Variants in BCAS4 observed in about 807,000 individuals in gnomAD.
The protein encoded by BCAS4 is breast carcinoma-amplified sequence 4.
In BCAS4, 9 loss-of-function variants were observed where a neutral mutation model predicts 15.7. That is an observed-to-expected ratio of 0.57 (90% CI 0.34 to 1.00). The LOEUF (loss-of-function observed/expected upper bound fraction) is 1.00. Ranked by LOEUF, BCAS4 falls within the 50% of genes least tolerant of loss-of-function variation. BCAS4 has a pLI of 0.02. For synonymous variants in BCAS4, 101 were observed against 99.5 expected, an observed-to-expected ratio of 1.02 and a Z score of -0.09; for missense variants, 225 against 239.1, an observed-to-expected ratio of 0.94 and a Z score of 0.39.
intron 4 of BCAS4, among the ~76,000 whole-genome samples, chr20:50,850,924 G>A (rs1267566819): frequency 6.6e-6 from 1 of 152,228 alleles, no homozygotes; most frequent in Non-Finnish European, 1.5e-5. Flanking sequence ...AAGGCTGTAA[G>A]GGAGGTAATG....
intron 4 of BCAS4, among the ~76,000 whole-genome samples, chr20:50,856,334 C>A (rs529261269): frequency 6.6e-6 from 1 of 152,188 alleles, no homozygotes; most frequent in Non-Finnish European, 1.5e-5. Flanking sequence ...GAGTTCATCC[C>A]GATGCCTGTT....
chr20:50,827,812 T>C (rs2088295641), intron 2 of BCAS4, among the ~76,000 whole-genome samples: 2 of 152,166 alleles, frequency 1.3e-5, no homozygotes, highest in African/African-American at 2.4e-5. Flanking sequence ...CTGCAACCTC[T>C]GTTTACCGGG....
chr20:50,840,723 C>T (rs1383772861), intron 3 of BCAS4: 1 of 1,612,458 alleles, frequency 6.2e-7, no homozygotes, highest in African/African-American at 1.3e-5. Flanking sequence ...ATTTCTCGAT[C>T]TCAGCCATAT....
Position 50,829,543 on chromosome 20 carries a change from G to A in BCAS4, c.163-736G>A, listed in dbSNP as rs1172522993. On this transcript the variant is annotated intron_variant, in intron 2 of 4. Transcript: ENST00000371608. ...CAGGCGTGAGCCACCACGCCCAGCC[G>A]CTCCCCAGAATTTGAGAGCCATGAA... 2.6e-5 allele frequency among the ~76,000 whole-genome samples: 4 copies of A among 151,892 alleles called. No homozygotes were observed. The South Asian group carries it at 6.2e-4, about 24-fold the overall frequency.
intron 2 of BCAS4, among the ~76,000 whole-genome samples, chr20:50,824,241 C>T (rs1182498533): frequency 6.6e-6 from 1 of 152,262 alleles, no homozygotes; most frequent in Non-Finnish European, 1.5e-5. Context: ...TCTTACTTCG[C>T]TCACATAAAT....
chr20:50,874,596 C>CAGTGCACAGGACAGGGCTGGCCT (rs1483528754), intron 4 of BCAS4, among the ~76,000 whole-genome samples: 2 of 152,232 alleles, frequency 1.3e-5, no homozygotes, highest in African/African-American at 2.4e-5. Flanking sequence ...GCTGTGTCCT[C>CAGTGCACAGGACAGGGCTGGCCT]AGTGCACAGG....
intron 2 of BCAS4, among the ~76,000 whole-genome samples, chr20:50,829,733 C>G (rs1431144613): frequency 1.3e-5 from 2 of 151,710 alleles, no homozygotes. Context: ...TGGCTTCATA[C>G]AGTTCACTTT....
intron 1 of BCAS4, among the ~76,000 whole-genome samples, chr20:50,807,625 A>G (rs116585433): frequency 1.3e-5 from 2 of 152,348 alleles, no homozygotes; most frequent in African/African-American, 2.4e-5. Flanking sequence ...AATAGAGTAC[A>G]TGGCACCCAA....
chr20:50,835,858 G>A (rs945943428), intron 3 of BCAS4, among the ~76,000 whole-genome samples: 2 of 152,224 alleles, frequency 1.3e-5, no homozygotes, highest in South Asian at 2.1e-4. Flanking sequence ...GGAGTCCTAA[G>A]TGAGGTCCCA....
At chr20:50,825,042 G>A (rs1339645285) in intron 2 of BCAS4, among the ~76,000 whole-genome samples, 1 of 152,062 alleles carries the variant, frequency 6.6e-6, no homozygotes, top group Non-Finnish European at 1.5e-5. Context: ...CCACTTTTTA[G>A]CTTTGTGACC....
chr20:50,863,247 G>GTTTTT (rs1979183015), intron 4 of BCAS4, among the ~76,000 whole-genome samples: 2 of 121,550 alleles, frequency 1.6e-5, no homozygotes, highest in African/African-American at 3.5e-5. Context: ...GCTAACTGGT[G>GTTTTT]CTTTTTTTTT....
chr20:50,819,681 A>C (rs548618709), intron 2 of BCAS4, among the ~76,000 whole-genome samples: 2 of 152,242 alleles, frequency 1.3e-5, no homozygotes, highest in African/African-American at 4.8e-5. Context: ...TTTTACGTTC[A>C]GATGTGGGTC....
Position 50,830,349 on chromosome 20 carries a change from G to A in BCAS4, c.233G>A (p.Arg78His), listed in dbSNP as rs148496920. 144 of 1,613,752 alleles carry A rather than the reference G, an allele frequency of 8.9e-5. No individual in the cohort carries two copies. In the East Asian group the frequency reaches 2.3e-3, roughly 26 times the overall value. Residue 78 changes from arginine to histidine, a missense_variant, in exon 3 of 5, where the codon CGT becomes CAT. Physicochemically the swap from Arg to His is conservative, Grantham distance 29. Coordinates refer to ENST00000371608, the MANE Select transcript of BCAS4 (RefSeq NM_198799.4). ...CTTAAGGCCAAACTGACAGAAATGC[G>A]TGGCATCTATGCCAAAGTGGACCGG... is the stretch of plus-strand genomic sequence containing the variant. Reference protein sequence around the residue: ...PVLKAKLTEMRGIYAKVDRLE... With the variant: ...PVLKAKLTEMHGIYAKVDRLE...
upstream of BCAS4, chr20:50,794,965 C>T (rs1011945301): frequency 1.9e-5 from 23 of 1,225,688 alleles, no homozygotes; most frequent in Middle Eastern, 3.2e-4. Flanking sequence ...AGCGCACCTG[C>T]CCCGCCTCCG....
intron 1 of BCAS4, among the ~76,000 whole-genome samples, chr20:50,804,939 T>G (rs1254343686): frequency 6.6e-6 from 1 of 152,168 alleles, no homozygotes; most frequent in African/African-American, 2.4e-5. Flanking sequence ...CCTCATTTGC[T>G]CCCTGGCTTC....
chr20:50,858,064 C>T (rs1473961457), intron 4 of BCAS4, among the ~76,000 whole-genome samples: 2 of 152,136 alleles, frequency 1.3e-5, no homozygotes, highest in African/African-American at 4.8e-5. Flanking sequence ...AACTCCAGCC[C>T]CTGGGCCAGG....
At chr20:50,854,173 T>G (rs534231010) in intron 4 of BCAS4, among the ~76,000 whole-genome samples, 3 of 152,264 alleles carry the variant, frequency 2.0e-5, no homozygotes, top group African/African-American at 7.2e-5. Flanking sequence ...GCAGGAATTC[T>G]GGAGCCAAAC....
At chr20:50,838,855 A>G in intron 3 of BCAS4, among the ~76,000 whole-genome samples, 1 of 151,924 alleles carries the variant, frequency 6.6e-6, no homozygotes, top group Non-Finnish European at 1.5e-5. Flanking sequence ...AAAAAAACAA[A>G]ACAAACAAAC....
At chr20:50,803,015 T>C (rs572070105) in intron 1 of BCAS4, among the ~76,000 whole-genome samples, 3 of 152,176 alleles carry the variant, frequency 2.0e-5, no homozygotes, top group Non-Finnish European at 4.4e-5. Context: ...ACCCAGTCTC[T>C]ACAAAAAATA....
Sources: gnomAD v4.1 joint callset for allele counts (sites outside exome capture counted in the v4.1 genomes callset) on GRCh38, gnomAD v4.1.1 for gene constraint, MANE v1.5 for transcripts, NCBI Gene and HGNC (gene_info 2026-07-23, HGNC 2026-07-21) for gene names.